The following GARNL3 variants were observed in gnomAD, a reference collection of about 807,000 sequenced individuals.
GARNL3 encodes the protein GTPase activating Rap/RanGAP domain like 3, also known as GTPase-activating Rap/Ran-GAP domain-like protein 3.
A neutral mutation model predicts 125.0 loss-of-function variants in GARNL3; 63 were observed. The ratio of observed to expected loss-of-function variants is 0.50; its 90% CI spans 0.41 to 0.62. GARNL3 has a LOEUF of 0.62. Ranked by LOEUF, GARNL3 falls within the 20% of genes least tolerant of loss-of-function variation. The pLI, the probability that GARNL3 is intolerant of heterozygous loss-of-function variation, is 0.00. For synonymous variants in GARNL3, 439 were observed against 457.5 expected (o/e 0.96, Z 0.52); for missense variants, 994 against 1,244.0 (o/e 0.80, Z 3.02).
chr9:127,347,170 A>G lies in GARNL3; in HGVS notation c.1431+1693A>G, dbSNP rs541364497. On this transcript the variant is annotated intron_variant, in intron 16 of 27. Transcript: ENST00000373387. ...TGCAGTGGTTCATGCCTATAATCCCAGCACTTTGGGAGGTTGAGGCCGGAG... is the reference window on the plus strand; with the variant it reads ...TGCAGTGGTTCATGCCTATAATCCCGGCACTTTGGGAGGTTGAGGCCGGAG... 3.3e-5 allele frequency among the ~76,000 whole-genome samples: 5 copies of G among 152,284 alleles called. No homozygotes were observed. In the East Asian group the frequency reaches 9.7e-4, roughly 29 times the overall value.
chr9:127,264,653 A>G, upstream of GARNL3: 2 of 1,170,434 alleles, frequency 1.7e-6, no homozygotes, highest in Non-Finnish European at 2.1e-6. Flanking sequence ...GAAATTATAA[A>G]CCACCAGTAA....
chr9:127,308,891 G>T (rs76880650), intron 2 of GARNL3, among the ~76,000 whole-genome samples: 3,231 of 152,292 alleles, frequency 0.021, 110 homozygotes, highest in African/African-American at 0.074. Context: ...ATGTTTGTGT[G>T]TGTGTTGGGG....
Position 127,355,435 on chromosome 9 carries a change from T to C in GARNL3, c.1898T>C (p.Leu633Pro). Residue 633 changes from leucine to proline, a missense_variant, in exon 20 of 28, where the codon CTG becomes CCG. Leu to Pro is a moderately conservative substitution (Grantham distance 98). Coordinates refer to ENST00000373387, the MANE Select transcript of GARNL3 (RefSeq NM_032293.5). ...ACCAGCACCTCATTGTTATCTCCCC[T>C]GTCTGAGTCACCTGTTGAAGAATTC... ...GVTSTSLLSP[L>P]SESPVEEFQY... 4 of 1,614,258 alleles carry C rather than the reference T, an allele frequency of 2.5e-6. No individual in the cohort carries two copies. The highest frequency in any genetic ancestry group is 3.4e-6 in the Non-Finnish European group (4 of 1,180,030).
At chr9:127,279,071 G>A (rs577551676) in intron 1 of GARNL3, among the ~76,000 whole-genome samples, 1 of 152,038 alleles carries the variant, frequency 6.6e-6, no homozygotes, top group African/African-American at 2.4e-5. Flanking sequence ...CCTGAATTTG[G>A]GGGGGGACAC....
chr9:127,370,302 T>C (rs1206203637), intron 22 of GARNL3, among the ~76,000 whole-genome samples: 1 of 152,076 alleles, frequency 6.6e-6, no homozygotes, highest in East Asian at 1.9e-4. Flanking sequence ...TTTCTACACC[T>C]CTCTCTCCCA....
At chr9:127,337,246 TG>T (rs1829603377) in intron 11 of GARNL3, among the ~76,000 whole-genome samples, 1 of 152,070 alleles carries the variant, frequency 6.6e-6, no homozygotes, top group Non-Finnish European at 1.5e-5. Context: ...TTTCTAGAGG[TG>T]GTTCTTCTTG....
chr9:127,353,023 A>ACAGC (rs1369086237), intron 17 of GARNL3, among the ~76,000 whole-genome samples: 1 of 152,194 alleles, frequency 6.6e-6, no homozygotes, highest in African/African-American at 2.4e-5. Context: ...ACTGAATGGA[A>ACAGC]CAGCCTTAGT....
intron 1 of GARNL3, among the ~76,000 whole-genome samples, chr9:127,229,895 T>A (rs1207480740): frequency 6.6e-6 from 1 of 152,218 alleles, no homozygotes; most frequent in East Asian, 1.9e-4. Flanking sequence ...TATTTTCACT[T>A]TGGCAACTCT....
chr9:127,261,565 C>A (rs1006319139), upstream of GARNL3, among the ~76,000 whole-genome samples: 1 of 151,978 alleles, frequency 6.6e-6, no homozygotes, highest in Non-Finnish European at 1.5e-5. Flanking sequence ...CATGCACCAC[C>A]ATGCCTGGCT....
chr9:127,269,570 A>C (rs78251476), intron 1 of GARNL3, among the ~76,000 whole-genome samples: 6,022 of 152,258 alleles, frequency 0.04, 383 homozygotes, highest in African/African-American at 0.13. Flanking sequence ...CACAATCTTG[A>C]CAACACCTGT....
Position 127,271,211 on chromosome 9 carries a change from C to T in GARNL3, c.144+6190C>T, listed in dbSNP as rs925996592. On this transcript the variant is annotated intron_variant, in intron 1 of 27. Coordinates refer to ENST00000373387, the MANE Select transcript of GARNL3 (RefSeq NM_032293.5). ...AAGCACTTAGTGAAAATGTCTTCCT[C>T]TGCTGATGGACTCCCTTATCTCTGT... 5.3e-5 allele frequency among the ~76,000 whole-genome samples: 8 copies of T among 150,344 alleles called. 1 individual carries two copies. Among genetic ancestry groups the T allele is most frequent in the African/African-American group, 2.0e-4 (8 of 39,638 alleles).
chr9:127,301,214 T>C (rs2064775915), intron 2 of GARNL3, among the ~76,000 whole-genome samples: 1 of 152,184 alleles, frequency 6.6e-6, no homozygotes, highest in African/African-American at 2.4e-5. Flanking sequence ...TATTGAACCT[T>C]TTGGACCAAA....
At chr9:127,315,099 A>G (rs2065204128) in intron 4 of GARNL3, among the ~76,000 whole-genome samples, 1 of 152,024 alleles carries the variant, frequency 6.6e-6, no homozygotes, top group South Asian at 2.1e-4. Context: ...TTCACCCAAC[A>G]CCTCTTCCCT....
At position 127,280,508 on chromosome 9, in the gene GARNL3, A is replaced by G. The variant is rs1588745029; in HGVS notation, c.145-10660A>G. On this transcript the variant is annotated intron_variant, in intron 1 of 27. Coordinates refer to ENST00000373387, the MANE Select transcript of GARNL3 (RefSeq NM_032293.5). The surrounding 1 kb of genome is among the most constrained non-coding windows in gnomAD (Gnocchi z 4.5). ...GTGGGGAAGATTAAAGTGCCTTCCAACCTTCCATAATTACCACAGATTTGT... is the reference window on the plus strand; with the variant it reads ...GTGGGGAAGATTAAAGTGCCTTCCAGCCTTCCATAATTACCACAGATTTGT... Among the ~76,000 whole-genome samples the G allele has an allele frequency of 6.6e-6, 1 of 152,216 alleles. No homozygotes were observed. The highest frequency in any genetic ancestry group is 6.5e-5 in the Admixed American group (1 of 15,288).
Position 127,376,419 on chromosome 9 carries a change from C to T in GARNL3, c.2162-7019C>T, listed in dbSNP as rs1042359349. Among the ~76,000 whole-genome samples, 4 of 151,998 alleles carry T rather than the reference C, an allele frequency of 2.6e-5. No individual in the cohort carries two copies. In the South Asian group the frequency reaches 8.3e-4, roughly 32 times the overall value. ...ATTTTTAGTGGAGACGGGGTTTCAC[C>T]GTGTTAGCCAGGATGGTCTCGATCT... is the stretch of plus-strand genomic sequence containing the variant. On this transcript the variant is annotated intron_variant, in intron 22 of 27. Transcript: ENST00000373387.
chr9:127,332,252 C>T, intron 7 of GARNL3, 22 bp from the exon 8 acceptor site: 1 of 1,583,178 alleles, frequency 6.3e-7, no homozygotes, highest in South Asian at 1.1e-5. Context: ...TTAACTGTAA[C>T]ACCTTTTGTT....
chr9:127,267,230 T>C (rs766500242), intron 1 of GARNL3, among the ~76,000 whole-genome samples: 2 of 152,172 alleles, frequency 1.3e-5, no homozygotes, highest in African/African-American at 2.4e-5. Flanking sequence ...ACTGTGTGTA[T>C]GTGTATTTGT....
chr9:127,393,463 C>G lies in GARNL3; in HGVS notation c.*209C>G. The G allele has an allele frequency of 2.6e-6, 1 of 384,060 alleles. No homozygotes were observed. The highest frequency in any genetic ancestry group is 4.7e-6 in the Non-Finnish European group (1 of 214,026). The allele number at this position is 384,060 out of a possible 1,614,324, so 23.8% of individuals were successfully genotyped here. ...TTCTTTCTGTTCAGGAACCATCAGT[C>G]CCCTTGTAATAAAGGTGGTAGATTT... On this transcript the variant is annotated 3_prime_UTR_variant, in exon 28 of 28. Transcript: ENST00000373387.
At chr9:127,292,246 A>G (rs945797650) in intron 2 of GARNL3, among the ~76,000 whole-genome samples, 2 of 152,220 alleles carry the variant, frequency 1.3e-5, no homozygotes, top group African/African-American at 4.8e-5. Flanking sequence ...TGGAGGCTGA[A>G]TACCCCTGAA....
Sources: gnomAD v4.1 joint callset for allele counts (sites outside exome capture counted in the v4.1 genomes callset) on GRCh38, gnomAD v4.1.1 for gene constraint, Gnocchi (gnomAD v3.1) non-coding constraint, MANE v1.5 for transcripts, NCBI Gene and HGNC (gene_info 2026-07-23, HGNC 2026-07-21) for gene names.